Variants in ZFYVE9 observed in about 807,000 individuals in gnomAD.
ZFYVE9 encodes zinc finger FYVE-type containing 9.
Under a neutral mutation model 126.7 loss-of-function variants are expected in ZFYVE9, and 43 were observed. The ratio of observed to expected loss-of-function variants is 0.34; its 90% CI spans 0.27 to 0.44. The LOEUF is 0.44. ZFYVE9 is among the 20% of genes least tolerant of loss of function. The pLI is 1.00. For missense variants in ZFYVE9, 1,476 were observed against 1,697.0 expected (o/e 0.87, Z 2.29); for synonymous variants, 521 against 597.4 (o/e 0.87, Z 1.87).
intron 1 of ZFYVE9, among the ~76,000 whole-genome samples, chr1:52,144,387 T>G (rs1366949309): frequency 6.6e-6 from 1 of 151,850 alleles, no homozygotes; most frequent in Non-Finnish European, 1.5e-5. Context: ...CAGTTGAGAG[T>G]GCTTGTTATA....
chr1:52,195,075 C>G (rs144528196), intron 1 of ZFYVE9, among the ~76,000 whole-genome samples: 19 of 152,278 alleles, frequency 1.2e-4, no homozygotes, highest in African/African-American at 4.6e-4. Context: ...TCTCCCTGCT[C>G]TGTAGTGCTT....
intron 12 of ZFYVE9, among the ~76,000 whole-genome samples, chr1:52,296,657 A>G (rs893271343): frequency 7.2e-5 from 11 of 151,982 alleles, no homozygotes; most frequent in Non-Finnish European, 8.8e-5. Flanking sequence ...GAAGCTCCCT[A>G]TGGTTGTCTT....
At chr1:52,181,104 C>G (rs913788504) in intron 1 of ZFYVE9, among the ~76,000 whole-genome samples, 5 of 151,992 alleles carry the variant, frequency 3.3e-5, no homozygotes, top group Admixed American at 6.6e-5. Context: ...CCTTCTCCCT[C>G]TCTTTCCACG....
In ZFYVE9 at chr1:52,293,437, A is replaced by G. The variant is rs763765097; in HGVS notation, c.3026-16A>G. The G allele has an allele frequency of 3.2e-6, 5 of 1,586,374 alleles. No homozygotes were observed. The African/African-American group carries it at 4.1e-5, about 13-fold the overall frequency. ...TTTATTGATACAAAGTAGCTAATAA[A>G]CTTTTTTGTTTTTAGGGAATGTGGT... On this transcript the variant is annotated splice_polypyrimidine_tract_variant and intron_variant, in intron 10 of 18. Coordinates refer to ENST00000287727, the MANE Select transcript of ZFYVE9 (RefSeq NM_004799.4).
intron 1 of ZFYVE9, among the ~76,000 whole-genome samples, chr1:52,199,540 T>C (rs1644903603): frequency 6.6e-6 from 1 of 152,246 alleles, no homozygotes; most frequent in South Asian, 2.1e-4. Flanking sequence ...CTGAATCTAT[T>C]GTATGGATGT....
intron 1 of ZFYVE9, among the ~76,000 whole-genome samples, chr1:52,178,370 C>T (rs6671610): frequency 0.054 from 7,827 of 143,990 alleles, 231 homozygotes; most frequent in South Asian, 0.078. Context: ...CTCGCACTAT[C>T]GCCCAGGCAG....
At chr1:52,257,456 C>A (rs1384777284) in intron 4 of ZFYVE9, among the ~76,000 whole-genome samples, 3 of 152,146 alleles carry the variant, frequency 2.0e-5, no homozygotes, top group Non-Finnish European at 4.4e-5. Context: ...AACCTTTTAA[C>A]CAGTACTTAG....
chr1:52,242,895 A>C (rs1308480692), intron 4 of ZFYVE9, among the ~76,000 whole-genome samples: 2 of 152,220 alleles, frequency 1.3e-5, no homozygotes, highest in East Asian at 3.8e-4. Context: ...GTGAAGCTGA[A>C]CCCAGGGAAA....
At chr1:52,344,160 C>A (rs1376219153) in intron 17 of ZFYVE9, among the ~76,000 whole-genome samples, 1 of 152,054 alleles carries the variant, frequency 6.6e-6, no homozygotes, top group Non-Finnish European at 1.5e-5. Context: ...GGACTTAGGT[C>A]ATCAGTTCCA....
At chr1:52,290,255 G>T (rs1332353515) in intron 10 of ZFYVE9, among the ~76,000 whole-genome samples, 1 of 152,202 alleles carries the variant, frequency 6.6e-6, no homozygotes, top group South Asian at 2.1e-4. Context: ...GTGCATGTGC[G>T]TGAGGGCATG....
At chr1:52,251,500 CATTA>C (rs952526639) in intron 4 of ZFYVE9, among the ~76,000 whole-genome samples, 2 of 151,992 alleles carry the variant, frequency 1.3e-5, no homozygotes, top group African/African-American at 4.8e-5. Flanking sequence ...AATGTGATTA[CATTA>C]ATTGATTTTC....
intron 13 of ZFYVE9, among the ~76,000 whole-genome samples, chr1:52,330,707 C>T (rs534489512): frequency 6.6e-6 from 1 of 152,148 alleles, no homozygotes; most frequent in South Asian, 2.1e-4. Flanking sequence ...TTACAGCATT[C>T]TGTTTTTATC....
At chr1:52,250,957 C>T (rs917633559) in intron 4 of ZFYVE9, among the ~76,000 whole-genome samples, 1 of 152,084 alleles carries the variant, frequency 6.6e-6, no homozygotes, top group African/African-American at 2.4e-5. Flanking sequence ...AGCGATCTGC[C>T]TGTCTTGGCC....
intron 1 of ZFYVE9, among the ~76,000 whole-genome samples, chr1:52,144,229 G>A (rs1320556917): frequency 6.6e-6 from 1 of 152,120 alleles, no homozygotes; most frequent in Non-Finnish European, 1.5e-5. Context: ...TGAGGCACAA[G>A]AATCATTTGA....
intron 13 of ZFYVE9, among the ~76,000 whole-genome samples, chr1:52,328,221 TAG>T (rs755598189): frequency 6.6e-6 from 1 of 152,150 alleles, no homozygotes; most frequent in Non-Finnish European, 1.5e-5. Context: ...TCAGAACTGA[TAG>T]AGATTCACTG....
intron 13 of ZFYVE9, among the ~76,000 whole-genome samples, chr1:52,321,920 T>G (rs2147859711): frequency 6.6e-6 from 1 of 152,360 alleles, no homozygotes; most frequent in African/African-American, 2.4e-5. Context: ...TTGGTAATCT[T>G]ATCCAGTTCT....
At position 52,319,874 on chromosome 1, in the gene ZFYVE9, G is replaced by A. The variant is rs376188182; in HGVS notation, c.3439-12894G>A. ...CTAAAAATACAAAAATAAGCTGGGCGTGGTAATGTGTGCCTGTAATCTCAG... is the reference window on the plus strand; with the variant it reads ...CTAAAAATACAAAAATAAGCTGGGCATGGTAATGTGTGCCTGTAATCTCAG... On this transcript the variant is annotated intron_variant, in intron 13 of 18. Coordinates refer to ENST00000287727, the MANE Select transcript of ZFYVE9 (RefSeq NM_004799.4). 5.3e-5 allele frequency among the ~76,000 whole-genome samples: 8 copies of A among 150,918 alleles called. No individual in the cohort carries two copies. The Middle Eastern group carries it at 0.01, about 197-fold the overall frequency.
intron 9 of ZFYVE9, 118 bp downstream of exon 9, chr1:52,278,732 T>TTC: frequency 3.7e-6 from 1 of 271,004 alleles, no homozygotes; most frequent in Non-Finnish European, 6.2e-6. Flanking sequence ...TTTTTTTTTC[T>TTC]TTTTTTTTTT....
rs996115393 is a variant in ZFYVE9, at chr1:52,155,241, T to C, written c.-143+12838T>C. Among the ~76,000 whole-genome samples, 4 of 133,068 alleles carry C rather than the reference T, an allele frequency of 3.0e-5. No individual in the cohort carries two copies. In the East Asian group the frequency reaches 7.6e-4, roughly 25 times the overall value. The allele number at this position is 133,068 out of a possible 152,430, so 87.3% of individuals were successfully genotyped here. On this transcript the variant is annotated intron_variant, in intron 1 of 18. Coordinates refer to ENST00000287727, the MANE Select transcript of ZFYVE9 (RefSeq NM_004799.4). ...GCTGTTTTTCTTTTTTTTCTTTTTT[T>C]TTTTTTTTTTTTGAGACGGAGTCTC...
Sources: allele counts gnomAD v4.1 joint callset (sites outside exome capture counted in the v4.1 genomes callset), GRCh38; gene constraint gnomAD v4.1.1; transcripts MANE v1.5; gene names NCBI Gene and HGNC (gene_info 2026-07-23, HGNC 2026-07-21).